EIF4G3: variants seen among roughly 807,000 people sequenced by gnomAD.
EIF4G3 encodes eIF-4-gamma 3.
Under a neutral mutation model 186.4 loss-of-function variants are expected in EIF4G3, and 34 were observed. The ratio of observed to expected loss-of-function variants is 0.18; its 90% confidence interval spans 0.14 to 0.24. EIF4G3 has a LOEUF of 0.24. Among genes scored for constraint, EIF4G3 ranks in the 10% least tolerant of loss-of-function variants. The probability of loss-of-function intolerance (pLI) is 1.00; values close to 1 mark genes in which losing one functional copy is unlikely to be tolerated. For missense variants in EIF4G3, 1,536 were observed against 1,948.5 expected, an observed-to-expected ratio of 0.79 and a Z score of 3.99; for synonymous variants, 673 against 679.5, an observed-to-expected ratio of 0.99 and a Z score of 0.15.
intron 34 of EIF4G3, among the ~76,000 whole-genome samples, chr1:20,815,712 C>T (rs2060513681): frequency 7.0e-6 from 1 of 141,988 alleles, no homozygotes; most frequent in Admixed American, 6.8e-5. Context: ...GATCCTCTGC[C>T]CGGCCGCCCC....
At chr1:21,106,418 G>A (rs1037065020) in intron 2 of EIF4G3, among the ~76,000 whole-genome samples, 4 of 152,058 alleles carry the variant, frequency 2.6e-5, no homozygotes, top group African/African-American at 9.7e-5. Context: ...AAACCAAGGG[G>A]AATAGCTATT....
chr1:20,954,466 G>T (rs1345308821), intron 12 of EIF4G3, among the ~76,000 whole-genome samples: 1 of 149,252 alleles, frequency 6.7e-6, no homozygotes, highest in Non-Finnish European at 1.5e-5. Flanking sequence ...AACTCGGGGG[G>T]TGGAGGTTGC....
chr1:20,863,690 C>T (rs1364806831), intron 22 of EIF4G3, among the ~76,000 whole-genome samples: 7 of 151,240 alleles, frequency 4.6e-5, no homozygotes, highest in South Asian at 2.1e-4. Flanking sequence ...GTGATCTGCC[C>T]GCCTCAGCCT....
At chr1:21,119,519 G>C (rs889153390) in intron 2 of EIF4G3, among the ~76,000 whole-genome samples, 1 of 152,038 alleles carries the variant, frequency 6.6e-6, no homozygotes, top group Non-Finnish European at 1.5e-5. Context: ...GCTGACTAGT[G>C]AAAGAAAATG....
At chr1:21,088,798 G>T (rs972005719) in intron 3 of EIF4G3, among the ~76,000 whole-genome samples, 9 of 152,048 alleles carry the variant, frequency 5.9e-5, no homozygotes, top group African/African-American at 2.2e-4. Context: ...CCAGGAGGCG[G>T]AGGTTGCAAT....
chr1:20,952,678 G>A (rs528643831), intron 12 of EIF4G3, among the ~76,000 whole-genome samples: 7 of 151,992 alleles, frequency 4.6e-5, no homozygotes, highest in African/African-American at 1.2e-4. Flanking sequence ...ATGAAACCCC[G>A]TCTCTACCAA....
intron 6 of EIF4G3, among the ~76,000 whole-genome samples, chr1:21,000,602 A>C (rs561263373): frequency 5.3e-5 from 8 of 152,178 alleles, no homozygotes; most frequent in East Asian, 1.9e-4. Context: ...ACAAAAAAAA[A>C]ACAAAAAACA....
chr1:21,044,916 G>A (rs1322369697), intron 4 of EIF4G3, among the ~76,000 whole-genome samples: 1 of 152,078 alleles, frequency 6.6e-6, no homozygotes, highest in African/African-American at 2.4e-5. Context: ...GACTGTATGA[G>A]GCCAGGATTT....
intron 12 of EIF4G3, among the ~76,000 whole-genome samples, chr1:20,960,568 A>G (rs1372071423): frequency 2.0e-5 from 3 of 152,118 alleles, no homozygotes; most frequent in Non-Finnish European, 1.5e-5. Context: ...TCTGGGCAAC[A>G]TAACGAGACC....
intron 7 of EIF4G3, among the ~76,000 whole-genome samples, chr1:20,989,864 G>A (rs1193679677): frequency 6.6e-6 from 1 of 152,198 alleles, no homozygotes; most frequent in Non-Finnish European, 1.5e-5. Flanking sequence ...ACATGCTGCA[G>A]AGAAATCTTT....
chr1:21,144,445 T>C (rs1164234354), intron 2 of EIF4G3, among the ~76,000 whole-genome samples: 19 of 150,958 alleles, frequency 1.3e-4, no homozygotes, highest in Non-Finnish European at 1.3e-4. Context: ...TTCGTAGAGA[T>C]GGGGTCTCGC....
intron 30 of EIF4G3, among the ~76,000 whole-genome samples, chr1:20,837,068 A>C (rs1371225446): frequency 6.6e-6 from 1 of 152,324 alleles, no homozygotes; most frequent in East Asian, 1.9e-4. Flanking sequence ...ATTCCAAAGG[A>C]CCTAAAAGCT....
chr1:21,024,212 G>A (rs1350551445), intron 4 of EIF4G3, among the ~76,000 whole-genome samples: 1 of 151,180 alleles, frequency 6.6e-6, no homozygotes, highest in Non-Finnish European at 1.5e-5. Context: ...CATCCGGGAG[G>A]GAGGTGGGGG....
chr1:20,817,767 C>T (rs1285350978), intron 33 of EIF4G3, among the ~76,000 whole-genome samples: 1 of 147,022 alleles, frequency 6.8e-6, no homozygotes, highest in Non-Finnish European at 1.5e-5. Context: ...TTCCACATCA[C>T]GGGCTCAAGC....
chr1:21,099,211 T>C (rs1057123627), intron 2 of EIF4G3, among the ~76,000 whole-genome samples: 5 of 152,198 alleles, frequency 3.3e-5, no homozygotes, highest in Non-Finnish European at 7.3e-5. Flanking sequence ...TTTGGCAGTT[T>C]CTTATAAAAT....
Position 20,864,481 on chromosome 1 carries a change from CTTT to C in EIF4G3, c.2998_3000del (p.Lys1000del). On this transcript the variant is annotated inframe_deletion, in exon 22 of 37. Coordinates refer to ENST00000602326, the MANE Select transcript of EIF4G3 (RefSeq NM_001391906.1). Reference sequence around the variant, plus strand: ...CTGAGCTTTTGGATTTTTACCTTTGCTTTTTCAAAGTCCAAGTCTTTGCCAATG... The same window carrying C: ...CTGAGCTTTTGGATTTTTACCTTTGCTTCAAAGTCCAAGTCTTTGCCAATG... 1 of 1,612,338 alleles carries C rather than the reference CTTT, an allele frequency of 6.2e-7. No homozygotes were observed. Among genetic ancestry groups the C allele is most frequent in the Non-Finnish European group, 8.5e-7 (1 of 1,179,454 alleles).
chr1:20,967,883 T>C (rs1346344008), intron 12 of EIF4G3, among the ~76,000 whole-genome samples: 4 of 152,226 alleles, frequency 2.6e-5, no homozygotes, highest in African/African-American at 7.2e-5. Context: ...CATCCAGGCA[T>C]AAAAGAGCAA....
intron 2 of EIF4G3, among the ~76,000 whole-genome samples, chr1:21,112,433 A>G (rs1318302930): frequency 1.3e-5 from 2 of 152,212 alleles, no homozygotes; most frequent in Non-Finnish European, 2.9e-5. Flanking sequence ...ATTATCTTTT[A>G]GCTTTTGGTT....
At chr1:21,120,954 C>CT (rs2102352222) in intron 2 of EIF4G3, among the ~76,000 whole-genome samples, 1 of 152,320 alleles carries the variant, frequency 6.6e-6, no homozygotes, top group South Asian at 2.1e-4. Context: ...AGGTCTCACT[C>CT]TGTCACCCAG....
Sources: allele counts gnomAD v4.1 joint callset (sites outside exome capture counted in the v4.1 genomes callset), GRCh38; gene constraint gnomAD v4.1.1; transcripts MANE v1.5; gene names NCBI Gene and HGNC (gene_info 2026-07-23, HGNC 2026-07-21).